The following FRMD4A variants were observed in gnomAD, a reference collection of about 807,000 sequenced individuals.
FRMD4A encodes the protein FERM domain containing 4A.
FRMD4A carries 29 observed loss-of-function variants against 129.1 expected under a neutral mutation model. The ratio of observed to expected loss-of-function variants is 0.22; its 90% confidence interval spans 0.17 to 0.31. The LOEUF is 0.31. Ranked by LOEUF, FRMD4A falls within the 10% of genes least tolerant of loss-of-function variation. The pLI is 1.00. For synonymous variants in FRMD4A, 634 were observed against 571.6 expected, an observed-to-expected ratio of 1.11 and a Z score of -1.56; for missense variants, 1,272 against 1,375.8, an observed-to-expected ratio of 0.92 and a Z score of 1.19.
intron 5 of FRMD4A, among the ~76,000 whole-genome samples, chr10:13,786,988 C>T (rs2092881439): frequency 1.3e-5 from 2 of 152,288 alleles, no homozygotes; most frequent in South Asian, 4.1e-4. Flanking sequence ...TAACGCTTCC[C>T]TTTTCGTTTC....
intron 6 of FRMD4A, among the ~76,000 whole-genome samples, chr10:13,778,778 G>A (rs2092665712): frequency 6.6e-6 from 1 of 152,002 alleles, no homozygotes; most frequent in Non-Finnish European, 1.5e-5. Context: ...TCCCTCCAGG[G>A]TGCACCATAG....
At chr10:13,792,521 C>T (rs911420199) in intron 5 of FRMD4A, among the ~76,000 whole-genome samples, 18 of 152,176 alleles carry the variant, frequency 1.2e-4, no homozygotes, top group African/African-American at 3.4e-4. Flanking sequence ...ATCTCGCCTT[C>T]GTAACTTATT....
At chr10:13,658,547 ATCACG>A (rs2082370905) in intron 21 of FRMD4A, among the ~76,000 whole-genome samples, 1 of 152,222 alleles carries the variant, frequency 6.6e-6, no homozygotes. Flanking sequence ...GAAAGCCCCC[ATCACG>A]TGGCCCTCCG....
rs181826451 is a variant in FRMD4A at position 13,973,371 on chromosome 10, T to G, written c.46-114459A>C. ...ATATAATGCAGCCTTTATTTATTTT[T>G]GGGGGAGTTTCTCTATGTTGCCCAG... On this transcript the variant is annotated intron_variant, in intron 2 of 24. Transcript: ENST00000357447. 6.1e-3 allele frequency among the ~76,000 whole-genome samples: 922 copies of G among 152,294 alleles called. 7 individuals carry two copies. Among genetic ancestry groups the G allele is most frequent in the African/African-American group, 0.021 (856 of 41,554 alleles).
intron 2 of FRMD4A, among the ~76,000 whole-genome samples, chr10:14,281,161 T>C (rs1291785786): frequency 2.0e-5 from 3 of 151,776 alleles, no homozygotes; most frequent in Non-Finnish European, 4.4e-5. Flanking sequence ...CCCAGCTAAT[T>C]TTGTATTTTT....
At chr10:13,648,768 T>G (rs1283290629) in intron 24 of FRMD4A, 1 of 152,206 alleles carries the variant, frequency 6.6e-6, no homozygotes, top group Non-Finnish European at 1.5e-5. Flanking sequence ...TACTGGCACA[T>G]GTAAGTAGTT....
intron 2 of FRMD4A, among the ~76,000 whole-genome samples, chr10:13,958,586 G>GTCTT (rs1485075427): frequency 7.4e-6 from 1 of 135,704 alleles, no homozygotes; most frequent in African/African-American, 2.8e-5. Flanking sequence ...CCCGACCAGT[G>GTCTT]TCTTTCTTTC....
intron 4 of FRMD4A, among the ~76,000 whole-genome samples, chr10:13,799,045 G>A (rs1196649051): frequency 6.6e-6 from 1 of 152,172 alleles, no homozygotes; most frequent in Non-Finnish European, 1.5e-5. Flanking sequence ...GGTGGGATGG[G>A]GGGGTCCTCC....
rs1245822349 is a variant in FRMD4A at position 14,208,871 on chromosome 10, G to T, written c.45+121187C>A. On this transcript the variant is annotated intron_variant, in intron 2 of 24. Coordinates refer to ENST00000357447, the MANE Select transcript of FRMD4A (RefSeq NM_018027.5). ...AGTAAAGGGTGATGGGCACTGAAAGGCCGCTAAGTTGCTCCCTGAACTTTT... is the reference window on the plus strand; with the variant it reads ...AGTAAAGGGTGATGGGCACTGAAAGTCCGCTAAGTTGCTCCCTGAACTTTT... Among the ~76,000 whole-genome samples the T allele has an allele frequency of 2.6e-5, 4 of 152,270 alleles. No individual in the cohort carries two copies. In the East Asian group the frequency reaches 5.8e-4, roughly 22 times the overall value.
chr10:14,164,854 A>G (rs1009208065), intron 2 of FRMD4A, among the ~76,000 whole-genome samples: 2 of 152,242 alleles, frequency 1.3e-5, no homozygotes, highest in Non-Finnish European at 2.9e-5. Flanking sequence ...CAACTTTCTT[A>G]AAACATGAGA....
intron 2 of FRMD4A, among the ~76,000 whole-genome samples, chr10:14,198,872 G>A (rs1370619420): frequency 6.6e-6 from 1 of 152,166 alleles, no homozygotes; most frequent in Non-Finnish European, 1.5e-5. Flanking sequence ...AAAATATGAA[G>A]ATAACAATAG....
intron 2 of FRMD4A, chr10:13,971,627 A>G: frequency 4.0e-6 from 5 of 1,244,212 alleles, no homozygotes; most frequent in Non-Finnish European, 5.4e-6. Flanking sequence ...CATGCTTCAA[A>G]GAAACGAAAG....
At chr10:14,042,738 G>T (rs1399129983) in intron 2 of FRMD4A, among the ~76,000 whole-genome samples, 2 of 151,696 alleles carry the variant, frequency 1.3e-5, no homozygotes, top group Non-Finnish European at 2.9e-5. Context: ...CGAGATGGGT[G>T]GATCATTCGA....
At chr10:14,115,276 C>T (rs1838141115) in intron 2 of FRMD4A, among the ~76,000 whole-genome samples, 1 of 152,202 alleles carries the variant, frequency 6.6e-6, no homozygotes, top group Non-Finnish European at 1.5e-5. Flanking sequence ...CAGGTATAGG[C>T]AAATCTGGCT....
chr10:14,052,612 A>G (rs11817072), intron 2 of FRMD4A, among the ~76,000 whole-genome samples: 72,356 of 151,928 alleles, frequency 0.48, 17,879 homozygotes, highest in Middle Eastern at 0.58. Context: ...AGGCTGGAGC[A>G]CAATGGCACA....
chr10:14,046,423 C>T (rs1049742129), intron 2 of FRMD4A, among the ~76,000 whole-genome samples: 1 of 152,006 alleles, frequency 6.6e-6, no homozygotes, highest in African/African-American at 2.4e-5. Flanking sequence ...TAGGAATGTT[C>T]TATAATATAA....
intron 2 of FRMD4A, among the ~76,000 whole-genome samples, chr10:13,905,969 C>A (rs1261867787): frequency 1.3e-5 from 2 of 152,202 alleles, no homozygotes; most frequent in African/African-American, 4.8e-5. Context: ...ATTTCTGCCA[C>A]CCCTTGAAAT....
rs2090739660 is a variant in FRMD4A at position 13,737,947 on chromosome 10, AG to A, written c.673-18del. 3 of 1,464,854 alleles carry A rather than the reference AG, an allele frequency of 2.0e-6. No homozygotes were observed. Among genetic ancestry groups the A allele is most frequent in the East Asian group, 2.3e-5 (1 of 44,142 alleles). The allele number at this position is 1,464,854 out of a possible 1,614,324, so 90.7% of individuals were successfully genotyped here. A position where few individuals can be genotyped will look rare whatever the true frequency, so the allele number is the denominator to read the frequency against. On this transcript the variant is annotated intron_variant, in intron 11 of 24. Coordinates refer to ENST00000357447, the MANE Select transcript of FRMD4A (RefSeq NM_018027.5). The stretch of plus-strand genomic sequence containing the variant: ...CTGCTTGTCCTAGGATATCAAAAAA[AG>A]TTTGGGTGAATATGGGACTGGAGGA...
At chr10:14,328,633 T>A (rs1378345406) in intron 2 of FRMD4A, among the ~76,000 whole-genome samples, 1 of 146,810 alleles carries the variant, frequency 6.8e-6, no homozygotes, top group East Asian at 2.0e-4. Context: ...TGCATGTGTG[T>A]GTGTGTGTGT....
Sources: allele counts gnomAD v4.1 joint callset (sites outside exome capture counted in the v4.1 genomes callset), GRCh38; gene constraint gnomAD v4.1.1; transcripts MANE v1.5; gene names NCBI Gene and HGNC (gene_info 2026-07-23, HGNC 2026-07-21).